The following GABRA3 variants were observed in gnomAD, a reference collection of about 807,000 sequenced individuals.
GABRA3 encodes the protein gamma-aminobutyric acid receptor subunit alpha-3.
In GABRA3, 10 loss-of-function variants were observed where a neutral mutation model predicts 30.1. The ratio of observed to expected loss-of-function variants is 0.33; its 90% confidence interval spans 0.20 to 0.56. GABRA3 has a LOEUF of 0.56. GABRA3 is among the 20% of genes least tolerant of loss of function. GABRA3 has a pLI of 0.89. For synonymous variants in GABRA3, 151 were observed against 146.8 expected, an observed-to-expected ratio of 1.03 and a Z score of -0.21; for missense variants, 233 against 392.0, an observed-to-expected ratio of 0.59 and a Z score of 3.42.
intron 4 of GABRA3, 80 bp from the exon 5 acceptor site, chrX:152,256,078 C>T: frequency 1.4e-6 from 1 of 690,564 alleles, no homozygotes; most frequent in Non-Finnish European, 2.3e-6. Context: ...ATATTAATTA[C>T]CTTGCAGTAT....
intron 5 of GABRA3, among the ~76,000 whole-genome samples, chrX:152,238,625 G>A (rs1247798037): frequency 1.8e-5 from 2 of 108,487 alleles, no homozygotes; most frequent in East Asian, 5.8e-4. Flanking sequence ...TCTGGTCCTG[G>A]ACTCTTTTTG....
At chrX:152,449,716 G>A (rs1931176408) in intron 1 of GABRA3, among the ~76,000 whole-genome samples, 1 of 111,570 alleles carries the variant, frequency 9.0e-6, no homozygotes, top group African/African-American at 3.3e-5. Flanking sequence ...AGACAAAGGT[G>A]CAAAATTCTC....
intron 7 of GABRA3, among the ~76,000 whole-genome samples, chrX:152,202,381 T>C (rs897520269): frequency 4.2e-4 from 47 of 111,754 alleles, no homozygotes; most frequent in Non-Finnish European, 7.5e-4. Context: ...TCAATAGGTA[T>C]AAAAGTGTGT....
chrX:152,365,325 T>G (rs1330274417), intron 1 of GABRA3, among the ~76,000 whole-genome samples: 3 of 111,583 alleles, frequency 2.7e-5, no homozygotes, highest in African/African-American at 9.8e-5. Flanking sequence ...TTCCTTTAGA[T>G]AGGGGACACA....
chrX:152,202,576 TAG>T (rs908043996), intron 7 of GABRA3, among the ~76,000 whole-genome samples: 2 of 111,568 alleles, frequency 1.8e-5, no homozygotes, highest in African/African-American at 6.5e-5. Flanking sequence ...ATATAAAGAA[TAG>T]AGAGACAACA....
At chrX:152,252,950 G>A (rs750086191) in intron 5 of GABRA3, among the ~76,000 whole-genome samples, 10 of 111,807 alleles carry the variant, frequency 8.9e-5, no homozygotes, top group Non-Finnish European at 1.5e-4. Flanking sequence ...CTCACATTTG[G>A]TTAGCCAAAG....
chrX:152,226,216 G>C (rs1937950441), intron 5 of GABRA3, among the ~76,000 whole-genome samples: 1 of 111,579 alleles, frequency 9.0e-6, no homozygotes, highest in East Asian at 2.8e-4. Context: ...GGCTATTGCT[G>C]CTTAACACGG....
intron 2 of GABRA3, among the ~76,000 whole-genome samples, chrX:152,348,320 C>T (rs1163166835): frequency 9.0e-6 from 1 of 111,458 alleles, no homozygotes; most frequent in Non-Finnish European, 1.9e-5. Flanking sequence ...AAGACACCAA[C>T]ACCAAAGAGA....
chrX:152,293,658 T>G (rs770919516), intron 3 of GABRA3, among the ~76,000 whole-genome samples: 17 of 112,075 alleles, frequency 1.5e-4, no homozygotes, highest in African/African-American at 4.9e-4. Context: ...GTGAATTTGA[T>G]CCTGTCATTA....
At chrX:152,204,132 G>A (rs1363139628) in intron 7 of GABRA3, among the ~76,000 whole-genome samples, 1 of 111,021 alleles carries the variant, frequency 9.0e-6, no homozygotes, top group Non-Finnish European at 1.9e-5. Flanking sequence ...GAGAGGTAGG[G>A]GCAATGGAAG....
chrX:152,311,359 A>G (rs1403595432), intron 3 of GABRA3, among the ~76,000 whole-genome samples: 1 of 112,305 alleles, frequency 8.9e-6, no homozygotes, highest in Non-Finnish European at 1.9e-5. Context: ...CTAATCCACC[A>G]CAATCAACTA....
chrX:152,371,794 T>C (rs1411965150), intron 1 of GABRA3, among the ~76,000 whole-genome samples: 1 of 111,039 alleles, frequency 9.0e-6, no homozygotes, highest in Non-Finnish European at 1.9e-5. Context: ...ATTTATGGAG[T>C]ATCATCTATG....
intron 3 of GABRA3, among the ~76,000 whole-genome samples, chrX:152,289,621 T>C (rs764836225): frequency 1.4e-4 from 16 of 111,146 alleles, no homozygotes; most frequent in Non-Finnish European, 2.6e-4. Context: ...CACCCATTAA[T>C]TCATCACTTA....
intron 1 of GABRA3, among the ~76,000 whole-genome samples, chrX:152,396,080 C>G (rs952792999): frequency 1.8e-5 from 2 of 111,479 alleles, no homozygotes; most frequent in Non-Finnish European, 3.8e-5. Flanking sequence ...AGTTAAGATG[C>G]CTTTATAATG....
At chrX:152,268,903 T>C (rs754909350) in intron 4 of GABRA3, among the ~76,000 whole-genome samples, 1 of 112,108 alleles carries the variant, frequency 8.9e-6, no homozygotes, top group Non-Finnish European at 1.9e-5. Context: ...CATTGGCTTA[T>C]TGGTCATTCA....
intron 2 of GABRA3, among the ~76,000 whole-genome samples, chrX:152,359,737 T>G (rs1374689894): frequency 9.0e-6 from 1 of 111,371 alleles, no homozygotes; most frequent in African/African-American, 3.3e-5. Flanking sequence ...GTCCCAGAGA[T>G]TCTGGTATTT....
At chrX:152,359,890 A>G (rs997430617) in intron 2 of GABRA3, among the ~76,000 whole-genome samples, 3 of 111,765 alleles carry the variant, frequency 2.7e-5, no homozygotes, top group Non-Finnish European at 5.6e-5. Context: ...TATTAATTGC[A>G]CTGGGCTTGG....
chrX:152,213,372 A>G (rs957293293), intron 6 of GABRA3, among the ~76,000 whole-genome samples: 3 of 111,631 alleles, frequency 2.7e-5, no homozygotes, highest in Non-Finnish European at 5.6e-5. Context: ...AAGACTGACA[A>G]TAAACAAGTA....
At chrX:152,388,561 T>C (rs1929389776) in intron 1 of GABRA3, among the ~76,000 whole-genome samples, 1 of 112,186 alleles carries the variant, frequency 8.9e-6, no homozygotes, top group Non-Finnish European at 1.9e-5. Context: ...AACACTACTA[T>C]TTAGAATGAA....
Sources: allele counts gnomAD v4.1 joint callset (sites outside exome capture counted in the v4.1 genomes callset), GRCh38; gene constraint gnomAD v4.1.1; transcripts MANE v1.5; gene names NCBI Gene and HGNC (gene_info 2026-07-23, HGNC 2026-07-21).